BORCS7: variants seen among roughly 807,000 people sequenced by gnomAD.
BORCS7 encodes BLOC-1-related complex subunit 7.
In BORCS7, 20 loss-of-function variants were observed where a neutral mutation model predicts 17.5. The observed-to-expected ratio is 1.14, with a 90% CI of 0.80 to 1.66. BORCS7 has a LOEUF of 1.66. Among genes scored for constraint, BORCS7 ranks in the 40% most tolerant of loss-of-function variants. The pLI, the probability that BORCS7 is intolerant of heterozygous loss-of-function variation, is 0.00. For synonymous variants in BORCS7, 57 were observed against 49.8 expected (o/e 1.14, Z -0.61); for missense variants, 122 against 129.7 (o/e 0.94, Z 0.29).
At chr10:102,856,555 C>G (rs1844430494) in intron 1 of BORCS7, among the ~76,000 whole-genome samples, 1 of 152,072 alleles carries the variant, frequency 6.6e-6, no homozygotes, top group Admixed American at 6.5e-5. Context: ...ATCAGAAACA[C>G]TTGTTGAAGA....
intron 1 of BORCS7, among the ~76,000 whole-genome samples, chr10:102,855,519 A>G (rs1335675045): frequency 1.3e-5 from 2 of 152,172 alleles, no homozygotes; most frequent in Non-Finnish European, 1.5e-5. Flanking sequence ...TTTCATGTGT[A>G]AAAAACTCAT....
chr10:102,859,794 C>T (rs1391839284), intron 1 of BORCS7, among the ~76,000 whole-genome samples: 1 of 151,024 alleles, frequency 6.6e-6, no homozygotes, highest in Non-Finnish European at 1.5e-5. Flanking sequence ...AAACTCCTGA[C>T]CTCAAGTGAT....
chr10:102,854,407 A>G lies in BORCS7; in HGVS notation c.121A>G (p.Lys41Glu). The change falls in exon 1 of 5, where the codon AAA (lysine) becomes GAA (glutamate). Residue 41 changes from lysine (K) to glutamate (E), a missense_variant. Coordinates refer to ENST00000339834, the MANE Select transcript of BORCS7 (RefSeq NM_001136200.2). ...DVIALTKQVL[K>E]GSRSSELLGQ... is the part of the protein sequence containing the mutation. ...AATCGCGCTCACCAAGCAGGTGCTG[A>G]AAGGCTCCCGGAGCTCCGAGGTGAG... 6.5e-7 allele frequency: 1 copy of G among 1,545,394 alleles called. No individual in the cohort carries two copies. The highest frequency in any genetic ancestry group is 1.4e-5 in the African/African-American group (1 of 73,424).
At chr10:102,860,288 A>G in intron 1 of BORCS7, 44 bp from the exon 2 acceptor site, 1 of 1,562,164 alleles carries the variant, frequency 6.4e-7, no homozygotes, top group Non-Finnish European at 8.8e-7. Context: ...GATTACAGGA[A>G]GTTTGGGAAT....
At chr10:102,857,006 G>A (rs183095012) in intron 1 of BORCS7, among the ~76,000 whole-genome samples, 2 of 152,146 alleles carry the variant, frequency 1.3e-5, no homozygotes, top group Admixed American at 6.5e-5. Flanking sequence ...TAGTCCACCT[G>A]CTTACCACAT....
intron 1 of BORCS7, 113 bp downstream of exon 1, chr10:102,854,540 C>A: frequency 1.5e-6 from 2 of 1,293,624 alleles, no homozygotes; most frequent in Non-Finnish European, 2.1e-6. Flanking sequence ...GAAGTACTTG[C>A]TATGAGTAGG....
At position 102,854,329 on chromosome 10, in the gene BORCS7, C is replaced by G. The variant is rs991700164; in HGVS notation, c.43C>G (p.Gln15Glu). The G allele has an allele frequency of 3.7e-6, 6 of 1,600,822 alleles. No individual in the cohort carries two copies. In the African/African-American group the frequency reaches 6.7e-5, roughly 18 times the overall value. ...GCCAGAGTCTCAAGCGCGGTTCGGT[C>G]AGTCCGTGAAGGGGCTTCTCACGGA... ...GTPESQARFG[Q>E]SVKGLLTEKV... The change falls in exon 1 of 5, where the codon CAG (glutamine) becomes GAG (glutamate). Residue 15 changes from glutamine to glutamate, a missense_variant. Physicochemically the swap from Gln to Glu is conservative, Grantham distance 29. Coordinates refer to ENST00000339834, the MANE Select transcript of BORCS7 (RefSeq NM_001136200.2).
At chr10:102,855,103 T>C (rs1160786009) in intron 1 of BORCS7, among the ~76,000 whole-genome samples, 2 of 150,798 alleles carry the variant, frequency 1.3e-5, no homozygotes, top group Non-Finnish European at 2.9e-5. Flanking sequence ...CTGTTGTCTT[T>C]TATGGAGTTT....
At position 102,860,550 on chromosome 10, in the gene BORCS7, G is replaced by T. The variant is rs377210431; in HGVS notation, c.248+9G>T. 2.1e-5 allele frequency: 34 copies of T among 1,610,350 alleles called. No homozygotes were observed. In the African/African-American group the frequency reaches 3.9e-4, roughly 18 times the overall value. ...ACACATCTTCAATACCAGTGAGTAT[G>T]CCCCCTCCAGCAACTATTTGCTGCA... On this transcript the variant is annotated intron_variant, in intron 3 of 4. Transcript: ENST00000339834.
intron 1 of BORCS7, 143 bp downstream of exon 1, chr10:102,854,570 T>A: frequency 9.7e-7 from 1 of 1,032,550 alleles, no homozygotes; most frequent in Non-Finnish European, 1.4e-6. Context: ...CGGAGGCGCG[T>A]GTTGCATTCT....
At position 102,864,143 on chromosome 10, in the gene BORCS7, T is replaced by C. The variant is rs546340324; in HGVS notation, c.*1219T>C. On this transcript the variant is annotated 3_prime_UTR_variant, in exon 5 of 5. Transcript: ENST00000339834. ...GTTCAGGTCTTCATTGACTAAGAGA[T>C]TGAGAGAAATCTGACATAAGAAAAT... 1 of 152,136 alleles carries C rather than the reference T, an allele frequency of 6.6e-6. No individual in the cohort carries two copies. The highest frequency in any genetic ancestry group is 2.1e-4 in the South Asian group (1 of 4,828). The allele number at this position is 152,136 out of a possible 1,614,324, so 9.4% of individuals were successfully genotyped here.
chr10:102,854,390 T>C lies in BORCS7; in HGVS notation c.104T>C (p.Leu35Pro). The change falls in exon 1 of 5, where the codon CTC (leucine) becomes CCC (proline). Residue 35 changes from leucine to proline, a missense_variant. Coordinates refer to ENST00000339834, the MANE Select transcript of BORCS7 (RefSeq NM_001136200.2). ...VTTCGTDVIA[L>P]TKQVLKGSRS... ...ACCTGTGGTACTGACGTAATCGCGC[T>C]CACCAAGCAGGTGCTGAAAGGCTCC... The C allele has an allele frequency of 6.4e-7, 1 of 1,555,590 alleles. No homozygotes were observed.
In BORCS7 at chr10:102,863,319, AGTGAGATTCCATCTCC is replaced by A. The variant is rs1844549349; in HGVS notation, c.*396_*411del. 4 of 151,968 alleles carry A rather than the reference AGTGAGATTCCATCTCC, an allele frequency of 2.6e-5. No homozygotes were observed. The highest frequency in any genetic ancestry group is 9.8e-5 in the African/African-American group (4 of 40,798). 9.4% of individuals were successfully genotyped at this position (151,968 alleles called of 1,614,324 possible). ...CACTGCACTCCAGCCTGGGCGACAG[AGTGAGATTCCATCTCC>A]AAAAAAAAAAAAAGAAAAAAAAAAG... On this transcript the variant is annotated 3_prime_UTR_variant, in exon 5 of 5. Transcript: ENST00000339834.
At chr10:102,857,137 C>T (rs1844439772) in intron 1 of BORCS7, among the ~76,000 whole-genome samples, 1 of 152,126 alleles carries the variant, frequency 6.6e-6, no homozygotes, top group South Asian at 2.1e-4. Flanking sequence ...CTTTCCTGAA[C>T]ACCTACCCCT....
At chr10:102,862,067 C>G (rs1304715715) in intron 3 of BORCS7, 93 bp from the exon 4 acceptor site, 8 of 1,223,308 alleles carry the variant, frequency 6.5e-6, no homozygotes, top group Non-Finnish European at 9.4e-6. Context: ...GTGACATAAG[C>G]TGAAATTTCT....
At chr10:102,862,072 A>G (rs41287472) in intron 3 of BORCS7, 88 bp from the exon 4 acceptor site, 17,990 of 1,295,668 alleles carry the variant, frequency 0.014, 167 homozygotes, top group Non-Finnish European at 0.015. Context: ...ATAAGCTGAA[A>G]TTTCTTCTGC....
intron 3 of BORCS7, 36 bp from the exon 4 acceptor site, chr10:102,862,124 C>T (rs760988646): frequency 3.8e-6 from 6 of 1,571,058 alleles, no homozygotes; most frequent in Non-Finnish European, 5.3e-6. Flanking sequence ...TATTAGTTCA[C>T]TTATGTGTAT....
In BORCS7 at chr10:102,864,348, G is replaced by A. The variant is rs1432596508; in HGVS notation, c.*1424G>A. On this transcript the variant is annotated 3_prime_UTR_variant, in exon 5 of 5. Transcript: ENST00000339834. ...AGGATCTGAAAAGGCATTAATTTAT[G>A]TACTAATTCTATAAACATGTATTAA... 1.3e-5 allele frequency: 2 copies of A among 152,246 alleles called. No homozygotes were observed. The highest frequency in any genetic ancestry group is 2.4e-5 in the African/African-American group (1 of 41,554). 9.4% of individuals were successfully genotyped at this position (152,246 alleles called of 1,614,324 possible).
At position 102,862,959 on chromosome 10, in the gene BORCS7, C is replaced by A; in HGVS notation, c.*35C>A. On this transcript the variant is annotated 3_prime_UTR_variant, in exon 5 of 5. Coordinates refer to ENST00000339834, the MANE Select transcript of BORCS7 (RefSeq NM_001136200.2). ...TAAGAGTGCTGTAGGACTCCTTTGC[C>A]TAATGCTGAGGAGTAAATACCTTAC... is the stretch of plus-strand genomic sequence containing the variant. The A allele has an allele frequency of 6.5e-7, 1 of 1,536,076 alleles. No individual in the cohort carries two copies. Among genetic ancestry groups the A allele is most frequent in the South Asian group, 1.1e-5 (1 of 89,422 alleles).
Sources: allele counts gnomAD v4.1 joint callset (sites outside exome capture counted in the v4.1 genomes callset), GRCh38; gene constraint gnomAD v4.1.1; transcripts MANE v1.5; gene names NCBI Gene and HGNC (gene_info 2026-07-23, HGNC 2026-07-21).